Variants in CEP170 observed in about 807,000 individuals in gnomAD.
CEP170 encodes centrosomal protein of 170 kDa.
In CEP170, 21 loss-of-function variants were observed where a neutral mutation model predicts 151.9. That is an observed-to-expected ratio of 0.14 (90% CI 0.10 to 0.20). The LOEUF is 0.20. Among genes scored for constraint, CEP170 ranks in the 10% least tolerant of loss-of-function variants. The probability of loss-of-function intolerance (pLI) is 1.00; values close to 1 mark genes in which losing one functional copy is unlikely to be tolerated. For missense variants in CEP170, 964 were observed against 1,892.9 expected (o/e 0.51, Z 9.11); for synonymous variants, 356 against 648.8 (o/e 0.55, Z 6.86).
At chr1:243,238,457 G>GA (rs933828068) in intron 1 of CEP170, among the ~76,000 whole-genome samples, 65 of 143,858 alleles carry the variant, frequency 4.5e-4, no homozygotes, top group East Asian at 6.0e-4. Context: ...AACTGCCCTG[G>GA]AAAAAAAAAA....
chr1:243,165,657 T>C lies in CEP170; in HGVS notation c.2303A>G (p.Asn768Ser). Residue 768 changes from asparagine to serine, a missense_variant, in exon 13 of 20, where the codon AAT (asparagine) becomes AGT (serine). Asn to Ser is a conservative substitution (Grantham distance 46). Coordinates refer to ENST00000366542, the MANE Select transcript of CEP170 (RefSeq NM_014812.3). Reference protein sequence around the residue: ...QWTPTKLSSKNVSGQTDKCRE... With the variant: ...QWTPTKLSSKSVSGQTDKCRE... ...ACATTTATCTGTCTGACCTGAAACA[T>C]TTTTGGAAGACAATTTAGTAGGTGT... 6.2e-7 allele frequency: 1 copy of C among 1,614,072 alleles called. No individual in the cohort carries two copies. Among genetic ancestry groups the C allele is most frequent in the Non-Finnish European group, 8.5e-7 (1 of 1,179,906 alleles).
intron 7 of CEP170, among the ~76,000 whole-genome samples, chr1:243,198,715 C>A (rs570446899): frequency 2.6e-5 from 4 of 152,002 alleles, no homozygotes; most frequent in African/African-American, 9.6e-5. Context: ...TTAATGCCTA[C>A]AATTTTGGTC....
At chr1:243,204,608 C>T (rs1250763218) in intron 4 of CEP170, among the ~76,000 whole-genome samples, 1 of 152,124 alleles carries the variant, frequency 6.6e-6, no homozygotes, top group Admixed American at 6.6e-5. Flanking sequence ...CTCTGCTTTT[C>T]CTCCTAGCAC....
rs1400679991 is a variant in CEP170, at chr1:243,159,762, T to TG, written c.3677-3308_3677-3307insC. On this transcript the variant is annotated intron_variant, in intron 13 of 19. Transcript: ENST00000366542. ...TACATTCTACATTTTTGTTTCCGGT[T>TG]TTGTGTGTGTGTGTGTGTGTGTGTG... is the stretch of plus-strand genomic sequence containing the variant. 1.9e-3 allele frequency among the ~76,000 whole-genome samples: 278 copies of TG among 143,728 alleles called. 4 individuals carry two copies. The East Asian group carries it at 0.029, about 15-fold the overall frequency. The allele number at this position is 143,728 out of a possible 152,430, so 94.3% of individuals were successfully genotyped here. A position where few individuals can be genotyped will look rare whatever the true frequency, so the allele number is the denominator to read the frequency against.
intron 13 of CEP170, among the ~76,000 whole-genome samples, chr1:243,160,556 G>A (rs1308158502): frequency 1.3e-5 from 2 of 152,126 alleles, no homozygotes; most frequent in Non-Finnish European, 2.9e-5. Context: ...ATATTTCTGT[G>A]AATGTTCCAA....
intron 1 of CEP170, among the ~76,000 whole-genome samples, chr1:243,237,774 G>T (rs557569284): frequency 1.3e-4 from 20 of 152,010 alleles, no homozygotes; most frequent in Middle Eastern, 6.8e-3. Context: ...GCCTTGTGGC[G>T]GGTGCCTGTA....
chr1:243,124,768 T>C lies in CEP170; in HGVS notation c.*1681A>G, dbSNP rs2053575210. On this transcript the variant is annotated 3_prime_UTR_variant, in exon 20 of 20. Transcript: ENST00000366542. Reference sequence around the variant, plus strand: ...GACCCTGTTTTAACATTTCGTTTATTCCTTCAAAGCATTTGTATCTTTCCA... The same window carrying C: ...GACCCTGTTTTAACATTTCGTTTATCCCTTCAAAGCATTTGTATCTTTCCA... The C allele has an allele frequency of 6.6e-6, 1 of 152,638 alleles. No homozygotes were observed. Among genetic ancestry groups the C allele is most frequent in the South Asian group, 2.1e-4 (1 of 4,838 alleles). 9.5% of individuals were successfully genotyped at this position (152,638 alleles called of 1,614,324 possible). A position where few individuals can be genotyped will look rare whatever the true frequency, so the allele number is the denominator to read the frequency against.
intron 1 of CEP170, among the ~76,000 whole-genome samples, chr1:243,233,179 G>A (rs993363202): frequency 6.6e-5 from 10 of 152,320 alleles, no homozygotes; most frequent in Non-Finnish European, 1.5e-4. Context: ...TTGGGTGTCA[G>A]ATGGATGTGA....
intron 10 of CEP170, chr1:243,176,893 G>C: frequency 2.5e-6 from 1 of 394,036 alleles, no homozygotes; most frequent in Non-Finnish European, 5.0e-6. Flanking sequence ...TTAGATTTTA[G>C]TTTTAAGTTT....
intron 3 of CEP170, among the ~76,000 whole-genome samples, chr1:243,221,314 C>A (rs947861875): frequency 6.6e-6 from 1 of 152,214 alleles, no homozygotes; most frequent in South Asian, 2.1e-4. Context: ...TGAGCCACCG[C>A]GCCCGGCCCC....
chr1:243,153,271 C>T (rs1378633952), intron 14 of CEP170, among the ~76,000 whole-genome samples: 1 of 152,150 alleles, frequency 6.6e-6, no homozygotes, highest in African/African-American at 2.4e-5. Context: ...ACTGGTGAAG[C>T]TGTTGTGAGC....
At chr1:243,241,651 G>T (rs1024462428) in intron 1 of CEP170, among the ~76,000 whole-genome samples, 1 of 151,876 alleles carries the variant, frequency 6.6e-6, no homozygotes, top group Non-Finnish European at 1.5e-5. Context: ...TTAGCTGGGC[G>T]TGGTGGCAGG....
At chr1:243,207,935 C>T (rs2061529586) in intron 4 of CEP170, among the ~76,000 whole-genome samples, 1 of 151,986 alleles carries the variant, frequency 6.6e-6, no homozygotes, top group Admixed American at 6.6e-5. Flanking sequence ...TAACAGAAAT[C>T]AAATAGAAAA....
intron 4 of CEP170, among the ~76,000 whole-genome samples, chr1:243,202,069 G>A (rs1281402571): frequency 1.3e-5 from 2 of 152,096 alleles, no homozygotes; most frequent in South Asian, 2.1e-4. Flanking sequence ...CAACTGATAA[G>A]TGGTTTAAGA....
intron 10 of CEP170, among the ~76,000 whole-genome samples, chr1:243,175,470 G>C (rs983018662): frequency 1.3e-5 from 2 of 152,114 alleles, no homozygotes; most frequent in African/African-American, 4.8e-5. Flanking sequence ...ATATCTATGC[G>C]TTTCTGCCTC....
In CEP170 at chr1:243,152,708, T is replaced by C. The variant is rs554694120; in HGVS notation, c.3911+3513A>G. 2.4e-3 allele frequency among the ~76,000 whole-genome samples: 366 copies of C among 150,656 alleles called. 1 individual carries two copies. Among genetic ancestry groups the C allele is most frequent in the South Asian group, 0.015 (73 of 4,752 alleles). Reference sequence around the variant, plus strand: ...CACCATGCCCAGCTAATTTTTTCTATTTCTAGTAGAGACGGGGTTTCACCG... The same window carrying C: ...CACCATGCCCAGCTAATTTTTTCTACTTCTAGTAGAGACGGGGTTTCACCG... On this transcript the variant is annotated intron_variant, in intron 14 of 19. Coordinates refer to ENST00000366542, the MANE Select transcript of CEP170 (RefSeq NM_014812.3).
chr1:243,206,422 C>T (rs1289921112), intron 4 of CEP170, among the ~76,000 whole-genome samples: 3 of 152,316 alleles, frequency 2.0e-5, no homozygotes, highest in African/African-American at 2.4e-5. Context: ...CGTGGGCCAC[C>T]ATGCCCGGCC....
intron 17 of CEP170, among the ~76,000 whole-genome samples, chr1:243,132,000 C>T (rs2148196663): frequency 6.6e-6 from 1 of 152,152 alleles, no homozygotes; most frequent in Non-Finnish European, 1.5e-5. Flanking sequence ...CAAGGCCATG[C>T]TACACAACCT....
At chr1:243,198,006 C>T (rs1315769804) in intron 7 of CEP170, among the ~76,000 whole-genome samples, 1 of 152,004 alleles carries the variant, frequency 6.6e-6, no homozygotes, top group Admixed American at 6.6e-5. Context: ...CCTAAAGAAC[C>T]AATGTTCTTA....
Sources: allele counts gnomAD v4.1 joint callset (sites outside exome capture counted in the v4.1 genomes callset), GRCh38; gene constraint gnomAD v4.1.1; transcripts MANE v1.5; gene names NCBI Gene and HGNC (gene_info 2026-07-23, HGNC 2026-07-21).